The following CDYL variants were observed in gnomAD, a reference collection of about 807,000 sequenced individuals.
The protein encoded by CDYL is chromodomain Y-like protein.
Under a neutral mutation model 47.3 loss-of-function variants are expected in CDYL, and 8 were observed. The ratio of observed to expected loss-of-function variants is 0.17; its 90% confidence interval spans 0.10 to 0.31. The LOEUF is 0.31. CDYL is among the 10% of genes least tolerant of loss of function. The pLI, the probability that CDYL is intolerant of heterozygous loss-of-function variation, is 1.00. For synonymous variants in CDYL, 266 were observed against 265.0 expected (o/e 1.00, Z -0.04); for missense variants, 471 against 701.4 (o/e 0.67, Z 3.71).
At chr6:4,907,484 G>A (rs1272404806) in intron 2 of CDYL, among the ~76,000 whole-genome samples, 1 of 152,062 alleles carries the variant, frequency 6.6e-6, no homozygotes, top group African/African-American at 2.4e-5. Flanking sequence ...AGCTTTCCAA[G>A]TAGCCGGGAC....
intron 2 of CDYL, among the ~76,000 whole-genome samples, chr6:4,925,159 G>A (rs138627442): frequency 7.2e-5 from 11 of 152,090 alleles, no homozygotes; most frequent in African/African-American, 2.2e-4. Flanking sequence ...AGCTGGGTGC[G>A]GTTGTGCATT....
intron 1 of CDYL, among the ~76,000 whole-genome samples, chr6:4,820,006 G>C (rs1440990239): frequency 6.6e-6 from 1 of 152,194 alleles, no homozygotes. Context: ...GGGAGGCTGA[G>C]TAGCCAGAGA....
intron 5 of CDYL, among the ~76,000 whole-genome samples, chr6:4,950,962 A>G (rs1758684922): frequency 6.7e-6 from 1 of 148,818 alleles, no homozygotes; most frequent in Non-Finnish European, 1.5e-5. Context: ...GCAAACCCTC[A>G]TGAGGAGCCT....
At chr6:4,724,283 T>TCATATAATCCACC (rs1757442610) in intron 2 of CDYL, 2 of 152,044 alleles carry the variant, frequency 1.3e-5, no homozygotes, top group Admixed American at 1.3e-4. Flanking sequence ...ACTCCTGACT[T>TCATATAATCCACC]CATATAATCC....
At chr6:4,766,231 T>TG (rs903890796) in intron 3 of CDYL, among the ~76,000 whole-genome samples, 43 of 152,222 alleles carry the variant, frequency 2.8e-4, no homozygotes, top group African/African-American at 8.9e-4. Context: ...CCTTTTGAGA[T>TG]GGAGTTTCAC....
At chr6:4,803,496 A>C (rs1759282609) in intron 1 of CDYL, among the ~76,000 whole-genome samples, 1 of 152,100 alleles carries the variant, frequency 6.6e-6, no homozygotes, top group African/African-American at 2.4e-5. Context: ...CATGGATGAG[A>C]ATTCTTTCAG....
chr6:4,953,329 A>G (rs1282549923), intron 6 of CDYL, among the ~76,000 whole-genome samples: 1 of 151,828 alleles, frequency 6.6e-6, no homozygotes, highest in Non-Finnish European at 1.5e-5. Flanking sequence ...GATTGCAGTG[A>G]GCGGAGATCC....
At chr6:4,809,511 CTTGGTGAT>C (rs1314640300) in intron 1 of CDYL, among the ~76,000 whole-genome samples, 28 of 151,500 alleles carry the variant, frequency 1.8e-4, no homozygotes, top group African/African-American at 6.3e-4. Context: ...TATATTAGTC[CTTGGTGAT>C]CCTTTGTATG....
At chr6:4,856,775 G>C (rs1761021344) in intron 1 of CDYL, among the ~76,000 whole-genome samples, 1 of 152,180 alleles carries the variant, frequency 6.6e-6, no homozygotes, top group African/African-American at 2.4e-5. Flanking sequence ...TCAACTTGGG[G>C]CAGGTAGAAC....
chr6:4,905,907 A>G (rs1757220778), intron 2 of CDYL, among the ~76,000 whole-genome samples: 1 of 152,230 alleles, frequency 6.6e-6, no homozygotes, highest in Non-Finnish European at 1.5e-5. Context: ...ATAAACATAC[A>G]TTTCACCAAT....
chr6:4,924,832 G>A (rs920925534), intron 2 of CDYL, among the ~76,000 whole-genome samples: 1 of 152,156 alleles, frequency 6.6e-6, no homozygotes, highest in Admixed American at 6.5e-5. Context: ...GCTTATGGGG[G>A]AAATGAGATT....
intron 1 of CDYL, among the ~76,000 whole-genome samples, chr6:4,887,302 A>G (rs1378579016): frequency 6.6e-6 from 1 of 152,184 alleles, no homozygotes; most frequent in East Asian, 1.9e-4. Flanking sequence ...TTATGGTATT[A>G]ACAGTATTAA....
At chr6:4,722,285 G>A (rs1036150802) in intron 2 of CDYL, among the ~76,000 whole-genome samples, 2 of 152,000 alleles carry the variant, frequency 1.3e-5, no homozygotes, top group Admixed American at 6.6e-5. Flanking sequence ...AACACAGCAG[G>A]ACCCCATCTC....
At chr6:4,916,787 T>G (rs1005673312) in intron 2 of CDYL, among the ~76,000 whole-genome samples, 2 of 152,228 alleles carry the variant, frequency 1.3e-5, no homozygotes, top group African/African-American at 2.4e-5. Context: ...ATTTCCATTT[T>G]CTTATGATGC....
chr6:4,808,120 G>A (rs1759424701), intron 1 of CDYL, among the ~76,000 whole-genome samples: 1 of 152,188 alleles, frequency 6.6e-6, no homozygotes, highest in African/African-American at 2.4e-5. Context: ...CAGCTCTGGA[G>A]TCAGGCACTT....
intron 1 of CDYL, among the ~76,000 whole-genome samples, chr6:4,710,192 A>G (rs1757122751): frequency 6.6e-6 from 1 of 152,192 alleles, no homozygotes; most frequent in Non-Finnish European, 1.5e-5. Context: ...ATTGCACTCT[A>G]GCTTGGGCAA....
intron 1 of CDYL, among the ~76,000 whole-genome samples, chr6:4,822,189 G>A (rs938126477): frequency 6.6e-6 from 1 of 151,518 alleles, no homozygotes; most frequent in African/African-American, 2.4e-5. Flanking sequence ...TTGGCGGGGG[G>A]CATCTCACTG....
intron 2 of CDYL, among the ~76,000 whole-genome samples, chr6:4,910,938 A>G (rs977887846): frequency 6.6e-6 from 1 of 151,714 alleles, no homozygotes; most frequent in Non-Finnish European, 1.5e-5. Context: ...GGTTCACGCC[A>G]TTCTCCTGCC....
At chr6:4,735,600 C>T (rs4960038) in intron 3 of CDYL, among the ~76,000 whole-genome samples, 1 of 151,440 alleles carries the variant, frequency 6.6e-6, no homozygotes, top group East Asian at 2.0e-4. Flanking sequence ...CCCATCTCTA[C>T]TAAAAATACA....
Sources: allele counts gnomAD v4.1 joint callset (sites outside exome capture counted in the v4.1 genomes callset), GRCh38; gene constraint gnomAD v4.1.1; transcripts MANE v1.5; gene names NCBI Gene and HGNC (gene_info 2026-07-23, HGNC 2026-07-21).